The following CDH6 variants were observed in gnomAD, a reference collection of about 807,000 sequenced individuals.
CDH6 encodes the protein cadherin 6.
Under a neutral mutation model 78.0 loss-of-function variants are expected in CDH6, and 31 were observed. The observed-to-expected ratio is 0.40, with a 90% CI of 0.30 to 0.54. The LOEUF is 0.54. CDH6 is among the 20% of genes least tolerant of loss of function. The pLI, the probability that CDH6 is intolerant of heterozygous loss-of-function variation, is 0.56. For missense variants in CDH6, 724 were observed against 975.9 expected (o/e 0.74, Z 3.44); for synonymous variants, 376 against 368.8 (o/e 1.02, Z -0.23).
intron 1 of CDH6, among the ~76,000 whole-genome samples, chr5:31,252,586 A>T (rs1303007964): frequency 6.6e-6 from 1 of 152,152 alleles, no homozygotes; most frequent in Non-Finnish European, 1.5e-5. Context: ...TAGGTGTGCA[A>T]ATATACTGGC....
At chr5:31,297,740 A>G (rs1424922656) in intron 4 of CDH6, among the ~76,000 whole-genome samples, 1 of 152,124 alleles carries the variant, frequency 6.6e-6, no homozygotes, top group African/African-American at 2.4e-5. Flanking sequence ...TTTTCTAATT[A>G]TTTAGTAGGA....
At chr5:31,296,256 G>C (rs893563345) in intron 3 of CDH6, among the ~76,000 whole-genome samples, 2 of 152,084 alleles carry the variant, frequency 1.3e-5, no homozygotes. Context: ...GCCATTAAGT[G>C]ATCTTAATCC....
At chr5:31,219,721 A>G (rs1740958464) in intron 1 of CDH6, among the ~76,000 whole-genome samples, 1 of 152,296 alleles carries the variant, frequency 6.6e-6, no homozygotes, top group South Asian at 2.1e-4. Context: ...GACCTGTTAT[A>G]TATTGTTCTT....
At chr5:31,231,780 C>G (rs111736930) in intron 1 of CDH6, among the ~76,000 whole-genome samples, 25 of 152,306 alleles carry the variant, frequency 1.6e-4, no homozygotes, top group African/African-American at 5.5e-4. Context: ...TAATGCCACA[C>G]TGGGGATTAA....
intron 1 of CDH6, among the ~76,000 whole-genome samples, chr5:31,237,962 T>G (rs1741497040): frequency 6.6e-6 from 1 of 152,190 alleles, no homozygotes; most frequent in African/African-American, 2.4e-5. Context: ...CAAAGATTTT[T>G]TAATCCCCTT....
intron 1 of CDH6, among the ~76,000 whole-genome samples, chr5:31,213,117 C>T (rs72749643): frequency 4.6e-5 from 7 of 152,224 alleles, no homozygotes; most frequent in Non-Finnish European, 8.8e-5. Context: ...ATTTTGAATG[C>T]GTACTCTTCA....
At chr5:31,199,164 G>A (rs900681148) in intron 1 of CDH6, among the ~76,000 whole-genome samples, 1 of 151,634 alleles carries the variant, frequency 6.6e-6, no homozygotes, top group African/African-American at 2.4e-5. Flanking sequence ...ATGATGAAAG[G>A]CAGAGCTACA....
At chr5:31,281,870 C>T (rs976580295) in intron 2 of CDH6, among the ~76,000 whole-genome samples, 14 of 152,038 alleles carry the variant, frequency 9.2e-5, no homozygotes, top group African/African-American at 1.4e-4. Flanking sequence ...TCTGGCTCTG[C>T]GCTTAACTTT....
intron 11 of CDH6, 106 bp downstream of exon 11, chr5:31,318,030 T>TC: frequency 1.5e-6 from 2 of 1,315,214 alleles, no homozygotes; most frequent in South Asian, 2.3e-5. Flanking sequence ...TACAGCCTGA[T>TC]CTAGGTGAGT....
At chr5:31,234,141 A>T (rs1397494731) in intron 1 of CDH6, among the ~76,000 whole-genome samples, 3 of 152,236 alleles carry the variant, frequency 2.0e-5, no homozygotes, top group Non-Finnish European at 2.9e-5. Flanking sequence ...TTAAATGTGT[A>T]GCCTCATAAC....
At position 31,200,494 on chromosome 5, in the gene CDH6, T is replaced by C. The variant is rs528144050; in HGVS notation, c.-129+6608T>C. Among the ~76,000 whole-genome samples, 6 of 152,102 alleles carry C rather than the reference T, an allele frequency of 3.9e-5. No individual in the cohort carries two copies. In the East Asian group the frequency reaches 1.2e-3, roughly 29 times the overall value. On this transcript the variant is annotated intron_variant, in intron 1 of 11. Transcript: ENST00000265071. Reference sequence around the variant, plus strand: ...AAATAATTTTTTATGACCACATTTATTTTGTTACTTCATTACTATCACAAT... The same window carrying C: ...AAATAATTTTTTATGACCACATTTACTTTGTTACTTCATTACTATCACAAT...
At chr5:31,204,877 T>A (rs1364057640) in intron 1 of CDH6, among the ~76,000 whole-genome samples, 1 of 152,184 alleles carries the variant, frequency 6.6e-6, no homozygotes, top group Non-Finnish European at 1.5e-5. Context: ...ACCAAGGAGA[T>A]GCTGAGTTTG....
Position 31,273,528 on chromosome 5 carries a change from T to A in CDH6, c.228+5827T>A, listed in dbSNP as rs560236000. 5.9e-5 allele frequency among the ~76,000 whole-genome samples: 9 copies of A among 152,262 alleles called. No individual in the cohort carries two copies. In the East Asian group the frequency reaches 1.7e-3, roughly 29 times the overall value. ...AGCAGTCAAGTATTTCAGGCCATTG[T>A]CTCACACTGCTAAGACCCCGACAGA... On this transcript the variant is annotated intron_variant, in intron 2 of 11. Coordinates refer to ENST00000265071, the MANE Select transcript of CDH6 (RefSeq NM_004932.4).
intron 2 of CDH6, among the ~76,000 whole-genome samples, chr5:31,282,558 T>C (rs2149941190): frequency 6.6e-6 from 1 of 152,298 alleles, no homozygotes; most frequent in South Asian, 2.1e-4. Flanking sequence ...ATCCTTATCT[T>C]GATCACATGT....
rs185600438 is a variant in CDH6, at chr5:31,284,129, C to T, written c.229-9833C>T. The stretch of plus-strand genomic sequence containing the variant: ...CGTGCCCAGCCCTATTTTCTAGATC[C>T]TTTTCAAGCCCATTTTGTAGATCAA... On this transcript the variant is annotated intron_variant, in intron 2 of 11. Coordinates refer to ENST00000265071, the MANE Select transcript of CDH6 (RefSeq NM_004932.4). Among the ~76,000 whole-genome samples the T allele has an allele frequency of 3.7e-4, 57 of 152,206 alleles. 1 individual carries two copies. The highest frequency in any genetic ancestry group is 7.8e-4 in the Admixed American group (12 of 15,292).
intron 1 of CDH6, among the ~76,000 whole-genome samples, chr5:31,207,873 G>A (rs1442042231): frequency 6.6e-6 from 1 of 152,206 alleles, no homozygotes; most frequent in African/African-American, 2.4e-5. Context: ...ACACCCAACA[G>A]AAGGGAAATA....
At chr5:31,201,853 G>A (rs1359846571) in intron 1 of CDH6, among the ~76,000 whole-genome samples, 2 of 152,040 alleles carry the variant, frequency 1.3e-5, no homozygotes, top group African/African-American at 4.8e-5. Flanking sequence ...GGTATCCTTG[G>A]GTCTCTTAAT....
At chr5:31,231,747 C>T (rs1741315705) in intron 1 of CDH6, among the ~76,000 whole-genome samples, 2 of 152,184 alleles carry the variant, frequency 1.3e-5, no homozygotes, top group African/African-American at 4.8e-5. Flanking sequence ...ATGCATGAAC[C>T]TCTTAAAGGT....
chr5:31,287,860 C>G (rs866377236), intron 2 of CDH6, among the ~76,000 whole-genome samples: 1 of 152,228 alleles, frequency 6.6e-6, no homozygotes, highest in Non-Finnish European at 1.5e-5. Context: ...CTTTGAGAAC[C>G]ACCGACTTAG....
Sources: allele counts gnomAD v4.1 joint callset (sites outside exome capture counted in the v4.1 genomes callset), GRCh38; gene constraint gnomAD v4.1.1; transcripts MANE v1.5; gene names NCBI Gene and HGNC (gene_info 2026-07-23, HGNC 2026-07-21).